Variants in PAPLN observed in about 807,000 individuals in gnomAD.
PAPLN encodes the protein papilin.
PAPLN carries 146 observed loss-of-function variants against 159.0 expected under a neutral mutation model. The ratio of observed to expected loss-of-function variants is 0.92; its 90% confidence interval spans 0.80 to 1.05. The LOEUF (loss-of-function observed/expected upper bound fraction) is 1.05, where lower values mean the gene tolerates loss of function less well. Among genes scored for constraint, PAPLN ranks in the 50% least tolerant of loss-of-function variants. The pLI is 0.00. For synonymous variants in PAPLN, 734 were observed against 702.9 expected (o/e 1.04, Z -0.70); for missense variants, 1,720 against 1,743.9 (o/e 0.99, Z 0.24).
At chr14:73,236,081 C>A (rs1350395355), upstream of PAPLN, among the ~76,000 whole-genome samples, 1 of 152,150 alleles carries the variant, frequency 6.6e-6, no homozygotes, top group East Asian at 1.9e-4. Flanking sequence ...GCCACCACCC[C>A]ACCCCCAACC....
chr14:73,258,188 C>T (rs574879868), intron 14 of PAPLN, among the ~76,000 whole-genome samples: 1 of 152,016 alleles, frequency 6.6e-6, no homozygotes, highest in Admixed American at 6.6e-5. Flanking sequence ...TGGTATTTAG[C>T]GCATTATTTC....
In PAPLN at chr14:73,250,032, A is replaced by G. The variant is rs1283631068; in HGVS notation, c.383A>G (p.Tyr128Cys). 3.7e-6 allele frequency: 6 copies of G among 1,613,046 alleles called. No individual in the cohort carries two copies. The African/African-American group carries it at 4.0e-5, about 11-fold the overall frequency. ...TGCATTCCCAAGGGGGAGAACTTCT[A>G]CTACAAGCACAGGGAGGCTGTGGTT... ...LNCIPKGENF[Y>C]YKHREAVVDG... The change falls in exon 6 of 27, where the codon TAC (tyrosine) becomes TGC (cysteine). Residue 128 changes from tyrosine (Y) to cysteine (C), a missense_variant. Tyr to Cys is a radical substitution (Grantham distance 194). Coordinates refer to ENST00000644200, the MANE Select transcript of PAPLN (RefSeq NM_001365906.3).
Position 73,253,845 on chromosome 14 carries a change from G to T in PAPLN, c.1186G>T (p.Gly396Cys), listed in dbSNP as rs777386780. The T allele has an allele frequency of 4.3e-6, 7 of 1,613,678 alleles. No individual in the cohort carries two copies. The East Asian group carries it at 1.3e-4, about 31-fold the overall frequency. Residue 396 changes from glycine to cysteine, a missense_variant, in exon 12 of 27, where the codon GGC becomes TGC. Transcript: ENST00000644200. Reference protein sequence around the residue: ...SVYCISSDGAGIQEAVEEAEC... With the variant: ...SVYCISSDGACIQEAVEEAEC... ...GTACTGCATCTCGTCTGACGGGGCC[G>T]GCATCCAGGAGGCCGTGGAGGAGGC...
At chr14:73,249,421 C>T (rs1214317643) in intron 5 of PAPLN, among the ~76,000 whole-genome samples, 2 of 152,084 alleles carry the variant, frequency 1.3e-5, no homozygotes, top group African/African-American at 2.4e-5. Flanking sequence ...CACCTGTAAT[C>T]CCAGCACTTT....
At position 73,265,595 on chromosome 14, in the gene PAPLN, G is replaced by C. The variant is rs1390813116; in HGVS notation, c.3263+88G>C. The C allele has an allele frequency of 3.9e-6, 6 of 1,545,696 alleles. No individual in the cohort carries two copies. The highest frequency in any genetic ancestry group is 5.3e-6 in the Non-Finnish European group (6 of 1,142,516). Reference sequence around the variant, plus strand: ...GCCACCGGGGAAGGGAGCTGCTAGCGCATGGTCATGGCCAGTCCTGAGCCG... The same window carrying C: ...GCCACCGGGGAAGGGAGCTGCTAGCCCATGGTCATGGCCAGTCCTGAGCCG... On this transcript the variant is annotated intron_variant, in intron 23 of 26. Transcript: ENST00000644200. The surrounding 1 kb of genome is among the most constrained non-coding windows in gnomAD (Gnocchi z 4.1).
intron 26 of PAPLN, among the ~76,000 whole-genome samples, chr14:73,270,430 T>C (rs929511368): frequency 6.6e-6 from 1 of 152,000 alleles, no homozygotes; most frequent in African/African-American, 2.4e-5. Flanking sequence ...AACTCGTTCT[T>C]CCCTCCATTC....
At chr14:73,244,309 G>A (rs961738555) in intron 2 of PAPLN, 5 of 219,690 alleles carry the variant, frequency 2.3e-5, no homozygotes, top group Non-Finnish European at 3.7e-5. Context: ...CCTACATCAC[G>A]GTTAACCTAC....
rs1267456815 is a variant in PAPLN at position 73,272,691 on chromosome 14, C to A, written c.*27C>A. 6.6e-7 allele frequency: 1 copy of A among 1,518,770 alleles called. No individual in the cohort carries two copies. 94.1% of individuals were successfully genotyped at this position (1,518,770 alleles called of 1,614,324 possible). On this transcript the variant is annotated 3_prime_UTR_variant, in exon 27 of 27. Coordinates refer to ENST00000644200, the MANE Select transcript of PAPLN (RefSeq NM_001365906.3). ...GATGAAGGCTAGTTCCAGCCCCAGTCCAAAATAGTTCATAGGGCTAGGGAG... is the reference window on the plus strand; with the variant it reads ...GATGAAGGCTAGTTCCAGCCCCAGTACAAAATAGTTCATAGGGCTAGGGAG...
In PAPLN at chr14:73,260,625, T is replaced by C. The variant is rs924917095; in HGVS notation, c.1986-84T>C. 2.3e-6 allele frequency: 3 copies of C among 1,329,570 alleles called. No homozygotes were observed. In the African/African-American group the frequency reaches 4.5e-5, roughly 20 times the overall value. The allele number at this position is 1,329,570 out of a possible 1,614,324, so 82.4% of individuals were successfully genotyped here. On this transcript the variant is annotated intron_variant, in intron 16 of 26. Transcript: ENST00000644200. ...GTCCCCACCCTGTCAGCCCCCACCA[T>C]GGGGAGCCTCAGAGCCTGGGTCCTG...
chr14:73,261,631 G>A (rs1001885762), intron 18 of PAPLN, among the ~76,000 whole-genome samples: 3 of 152,244 alleles, frequency 2.0e-5, no homozygotes, highest in Non-Finnish European at 2.9e-5. Flanking sequence ...GGGCAGGGGT[G>A]CCCTGACCCT....
At chr14:73,257,884 G>A (rs1028206999) in intron 14 of PAPLN, among the ~76,000 whole-genome samples, 7 of 149,492 alleles carry the variant, frequency 4.7e-5, no homozygotes, top group Non-Finnish European at 7.4e-5. Flanking sequence ...CTGCCTTAGC[G>A]TCCTGAGTAG....
At chr14:73,249,929 G>C in intron 5 of PAPLN, 55 bp from the exon 6 acceptor site, 2 of 1,541,156 alleles carry the variant, frequency 1.3e-6, no homozygotes, top group Admixed American at 3.7e-5. Context: ...CTTGGGTCTT[G>C]GGGAGGGGCA....
At position 73,239,827 on chromosome 14, in the gene PAPLN, T is replaced by C. The variant is rs745421241; in HGVS notation, c.49T>C (p.Ser17Pro). The C allele has an allele frequency of 6.3e-7, 1 of 1,589,738 alleles. No individual in the cohort carries two copies. The highest frequency in any genetic ancestry group is 1.7e-5 in the Admixed American group (1 of 58,500). The change falls in exon 2 of 27, where the codon TCC (serine) becomes CCC (proline). Residue 17 changes from serine (S) to proline (P), a missense_variant. Coordinates refer to ENST00000644200, the MANE Select transcript of PAPLN (RefSeq NM_001365906.3). ...GCTGCTGCTGGCTCCAGCGCCCGGG[T>C]CCTCGGTGAGTGCGGTCCTGCCCCG... ...VPLLLAPAPG[S>P]SAPKVRRQSD...
intron 1 of PAPLN, among the ~76,000 whole-genome samples, chr14:73,238,540 A>T (rs1184148692): frequency 6.6e-6 from 1 of 152,266 alleles, no homozygotes; most frequent in Non-Finnish European, 1.5e-5. Flanking sequence ...AATTACAAGT[A>T]AAATTCTTCT....
At chr14:73,257,301 C>T (rs1244559478) in intron 14 of PAPLN, among the ~76,000 whole-genome samples, 2 of 152,056 alleles carry the variant, frequency 1.3e-5, no homozygotes, top group Non-Finnish European at 1.5e-5. Flanking sequence ...AACTTTCTTC[C>T]ATTATATAGT....
At position 73,262,501 on chromosome 14, in the gene PAPLN, G is replaced by A. The variant is rs1171718540; in HGVS notation, c.2397G>A (p.Glu799=). 12 of 1,589,614 alleles carry A rather than the reference G, an allele frequency of 7.5e-6. No individual in the cohort carries two copies. The highest frequency in any genetic ancestry group is 1.1e-5 in the South Asian group (1 of 88,482). Residue 799 remains glutamate (E), a synonymous_variant, in exon 19 of 27, where the codon GAG becomes GAA. Transcript: ENST00000644200. The stretch of plus-strand genomic sequence containing the variant: ...CCAATAACTTTGCCTCGGAGCAAGA[G>A]TGCATGAGCAGCTGCCAGGGATCTC... ...GNANNFASEQ[E]CMSSCQGSLH...
upstream of PAPLN, among the ~76,000 whole-genome samples, chr14:73,235,977 T>C (rs1439000536): frequency 6.6e-6 from 1 of 152,238 alleles, no homozygotes; most frequent in African/African-American, 2.4e-5. Flanking sequence ...TTCCCGCTGG[T>C]GACTTCTCTT....
chr14:73,252,057 T>A lies in PAPLN; in HGVS notation c.883T>A (p.Tyr295Asn), dbSNP rs751836481. 6.2e-7 allele frequency: 1 copy of A among 1,612,448 alleles called. No homozygotes were observed. The highest frequency in any genetic ancestry group is 1.7e-5 in the Admixed American group (1 of 59,912). Residue 295 changes from tyrosine to asparagine, a missense_variant, in exon 10 of 27, where the codon TAC becomes AAC. Tyr to Asn is a moderately radical substitution (Grantham distance 143). Coordinates refer to ENST00000644200, the MANE Select transcript of PAPLN (RefSeq NM_001365906.3). Reference protein sequence around the residue: ...QEPNPGVHYEYHLPLRRPSPG... With the variant: ...QEPNPGVHYENHLPLRRPSPG... ...GCCCAACCCCGGTGTGCACTATGAG[T>A]ACCACCTGCCCCTGCGCCGCCCCAG...
Position 73,252,731 on chromosome 14 carries a change from TG to T in PAPLN, c.1051del (p.Asp351ThrfsTer121), listed in dbSNP as rs1466245747. ...TGTGCCAGCGCCAGCCACGGCCAGCTGACCGGCGTTCCTGCAATCTTCACCC... is the reference window on the plus strand; with the variant it reads ...TGTGCCAGCGCCAGCCACGGCCAGCTACCGGCGTTCCTGCAATCTTCACCC... ...HMCQRQPRPA[D>X]RRSCNLHPCP... On this transcript the variant is annotated frameshift_variant, in exon 11 of 27. Transcript: ENST00000644200. LOFTEE classifies it high-confidence loss of function. The T allele has an allele frequency of 6.2e-7, 1 of 1,613,608 alleles. No individual in the cohort carries two copies. Among genetic ancestry groups the T allele is most frequent in the South Asian group, 1.1e-5 (1 of 91,086 alleles).
Sources: gnomAD v4.1 joint callset for allele counts (sites outside exome capture counted in the v4.1 genomes callset) on GRCh38, gnomAD v4.1.1 for gene constraint, Gnocchi (gnomAD v3.1) non-coding constraint, MANE v1.5 for transcripts, NCBI Gene and HGNC (gene_info 2026-07-23, HGNC 2026-07-21) for gene names.